Variants in ARHGAP24 observed in about 807,000 individuals in gnomAD.
The protein encoded by ARHGAP24 is rho GTPase-activating protein 24.
A neutral mutation model predicts 76.4 loss-of-function variants in ARHGAP24; 50 were observed. That is an observed-to-expected ratio of 0.65 (90% CI 0.52 to 0.83). The LOEUF (loss-of-function observed/expected upper bound fraction) is 0.83. Among genes scored for constraint, ARHGAP24 ranks in the 40% least tolerant of loss-of-function variants. The pLI is 0.00. For missense variants in ARHGAP24, 930 were observed against 914.2 expected (o/e 1.02, Z -0.22); for synonymous variants, 345 against 323.3 (o/e 1.07, Z -0.72).
intron 1 of ARHGAP24, among the ~76,000 whole-genome samples, chr4:85,485,366 AAAAAAAAAAAATATATATATATATAT>A (rs1722993649): frequency 4.8e-5 from 3 of 62,398 alleles, no homozygotes; most frequent in African/African-American, 2.2e-4. Context: ...AAAAAAAAAA[AAAAAAAAAAAATATATATATATATAT>A]ATATATATAT....
chr4:85,565,722 C>T (rs759726546), intron 1 of ARHGAP24, among the ~76,000 whole-genome samples: 17 of 152,144 alleles, frequency 1.1e-4, no homozygotes, highest in Non-Finnish European at 2.1e-4. Flanking sequence ...GTTTGCTGAA[C>T]ATGTATAGTA....
intron 1 of ARHGAP24, among the ~76,000 whole-genome samples, chr4:85,567,287 C>T (rs1385330404): frequency 3.3e-5 from 5 of 152,130 alleles, no homozygotes; most frequent in East Asian, 1.9e-4. Context: ...CAGTGAGACT[C>T]CTTGGAAGGC....
At chr4:85,694,602 A>G (rs1261641853) in intron 2 of ARHGAP24, among the ~76,000 whole-genome samples, 3 of 151,956 alleles carry the variant, frequency 2.0e-5, no homozygotes, top group East Asian at 3.9e-4. Context: ...AAACATGGAG[A>G]AAAAAAAGCT....
intron 1 of ARHGAP24, among the ~76,000 whole-genome samples, chr4:85,556,491 G>A (rs796212298): frequency 5.3e-5 from 8 of 152,246 alleles, no homozygotes; most frequent in African/African-American, 1.9e-4. Context: ...CAGGCCCTTT[G>A]TTCCTTCCCC....
intron 5 of ARHGAP24, among the ~76,000 whole-genome samples, chr4:85,942,712 C>T (rs1457649579): frequency 2.0e-5 from 3 of 151,838 alleles, no homozygotes; most frequent in African/African-American, 7.3e-5. Flanking sequence ...AAATATATAG[C>T]TCTACTTTAA....
At chr4:85,558,414 T>C (rs1363274066) in intron 1 of ARHGAP24, among the ~76,000 whole-genome samples, 1 of 152,244 alleles carries the variant, frequency 6.6e-6, no homozygotes, top group African/African-American at 2.4e-5. Flanking sequence ...TATCTAAAAC[T>C]AAAGTGTGAA....
intron 1 of ARHGAP24, among the ~76,000 whole-genome samples, chr4:85,570,271 C>G (rs892860120): frequency 6.6e-6 from 1 of 152,052 alleles, no homozygotes; most frequent in East Asian, 1.9e-4. Context: ...CACTCCCTTC[C>G]CCTTCCCCTT....
intron 1 of ARHGAP24, among the ~76,000 whole-genome samples, chr4:85,535,826 A>G (rs924208441): frequency 6.6e-6 from 1 of 152,076 alleles, no homozygotes; most frequent in African/African-American, 2.4e-5. Context: ...TTCACTATTG[A>G]TGTTCTTGGA....
chr4:85,961,818 A>G (rs1738273762), intron 5 of ARHGAP24, among the ~76,000 whole-genome samples: 4 of 152,226 alleles, frequency 2.6e-5, no homozygotes, highest in Non-Finnish European at 4.4e-5. Flanking sequence ...TTAAGCATAA[A>G]TGTACCCCTC....
At chr4:85,568,328 G>A (rs1385588354) in intron 1 of ARHGAP24, among the ~76,000 whole-genome samples, 1 of 151,832 alleles carries the variant, frequency 6.6e-6, no homozygotes, top group Non-Finnish European at 1.5e-5. Flanking sequence ...AGGGGGGCGT[G>A]TGTGTGTGGT....
At chr4:85,961,285 G>C (rs1464023443) in intron 5 of ARHGAP24, among the ~76,000 whole-genome samples, 1 of 124,186 alleles carries the variant, frequency 8.1e-6, no homozygotes, top group Non-Finnish European at 1.6e-5. Flanking sequence ...TTCCATGTTG[G>C]AATAAAAGAT....
chr4:85,493,945 TAA>T (rs796620826), intron 1 of ARHGAP24, among the ~76,000 whole-genome samples: 2 of 152,350 alleles, frequency 1.3e-5, no homozygotes, highest in African/African-American at 4.8e-5. Flanking sequence ...CTTTATTTCC[TAA>T]GTTACTTTTC....
intron 3 of ARHGAP24, among the ~76,000 whole-genome samples, chr4:85,881,122 T>A (rs963830650): frequency 2.0e-5 from 3 of 152,290 alleles, no homozygotes; most frequent in Middle Eastern, 3.4e-3. Flanking sequence ...ACAATCTATC[T>A]GCTAACCAAG....
intron 2 of ARHGAP24, among the ~76,000 whole-genome samples, chr4:85,692,777 T>C (rs1200489064): frequency 6.6e-6 from 1 of 152,250 alleles, no homozygotes; most frequent in African/African-American, 2.4e-5. Flanking sequence ...ATAGCTTCCT[T>C]GCCATCCAGA....
intron 1 of ARHGAP24, among the ~76,000 whole-genome samples, chr4:85,495,651 C>T (rs939294590): frequency 6.6e-6 from 1 of 151,804 alleles, no homozygotes; most frequent in South Asian, 2.1e-4. Flanking sequence ...CGTGCCTGGC[C>T]CAGAAAAATT....
Position 85,642,156 on chromosome 4 carries a change from G to C in ARHGAP24, c.180+71435G>C, listed in dbSNP as rs115466403. On this transcript the variant is annotated intron_variant, in intron 2 of 9. Transcript: ENST00000395184. ...CAGCTCCCAAGACAGAAAAACAGGG[G>C]AAGACTCCAGCCTTGGAAAGAAAAA... Among the ~76,000 whole-genome samples the C allele has an allele frequency of 8.4e-3, 1,274 of 152,200 alleles. 20 individuals carry two copies. Among genetic ancestry groups the C allele is most frequent in the African/African-American group, 0.029 (1,216 of 41,520 alleles).
chr4:85,914,972 A>G (rs967898725), intron 3 of ARHGAP24, among the ~76,000 whole-genome samples: 8 of 152,150 alleles, frequency 5.3e-5, no homozygotes, highest in Admixed American at 5.2e-4. Flanking sequence ...CCCAACCTAA[A>G]CCAAACTAAA....
intron 2 of ARHGAP24, among the ~76,000 whole-genome samples, chr4:85,657,160 C>CTTA (rs57106593): frequency 0.36 from 54,397 of 151,658 alleles, 10,749 homozygotes; most frequent in East Asian, 0.84. Flanking sequence ...TCTCCTTAGC[C>CTTA]TTATTTTATT....
intron 2 of ARHGAP24, among the ~76,000 whole-genome samples, chr4:85,590,248 C>T (rs1228605656): frequency 6.7e-6 from 1 of 149,982 alleles, no homozygotes; most frequent in African/African-American, 2.5e-5. Flanking sequence ...CTTCCTCCCA[C>T]CTCCCTCCAT....
Sources: allele counts gnomAD v4.1 joint callset (sites outside exome capture counted in the v4.1 genomes callset), GRCh38; gene constraint gnomAD v4.1.1; transcripts MANE v1.5; gene names NCBI Gene and HGNC (gene_info 2026-07-23, HGNC 2026-07-21).